The following WWOX variants were observed in gnomAD, a reference collection of about 807,000 sequenced individuals.
WWOX encodes WW domain containing oxidoreductase, also known as WW domain-containing oxidoreductase.
A neutral mutation model predicts 46.2 loss-of-function variants in WWOX; 69 were observed. The observed-to-expected ratio is 1.49, with a 90% CI of 1.23 to 1.82. WWOX has a LOEUF of 1.82. WWOX is among the 40% of genes most tolerant of loss of function. WWOX has a pLI of 0.00. For synonymous variants in WWOX, 359 were observed against 202.6 expected, an observed-to-expected ratio of 1.77 and a Z score of -6.56; for missense variants, 919 against 542.6, an observed-to-expected ratio of 1.69 and a Z score of -6.89.
Position 78,982,107 on chromosome 16 carries a change from C to T in WWOX, c.1057-229501C>T, listed in dbSNP as rs576048036. 9.1e-4 allele frequency among the ~76,000 whole-genome samples: 134 copies of T among 147,372 alleles called. 4 individuals are homozygous for T. The highest frequency in any genetic ancestry group is 2.0e-3 in the South Asian group (8 of 4,088). ...GCCTCACTGGGGATGGGCTAAACTC[C>T]GTGGGGTTTGTATTCCTTCTCCTTC... On this transcript the variant is annotated intron_variant, in intron 8 of 8. Transcript: ENST00000566780.
chr16:79,015,398 T>G (rs1326850776), intron 8 of WWOX, among the ~76,000 whole-genome samples: 1 of 152,246 alleles, frequency 6.6e-6, no homozygotes, highest in Non-Finnish European at 1.5e-5. Context: ...TTCCTTTGTT[T>G]GCAAAATAGT....
At chr16:78,729,943 C>T (rs1171114846) in intron 8 of WWOX, among the ~76,000 whole-genome samples, 2 of 152,082 alleles carry the variant, frequency 1.3e-5, no homozygotes, top group African/African-American at 2.4e-5. Flanking sequence ...ATGCCAGATC[C>T]AGAGCAATCG....
At chr16:78,180,251 T>G (rs2035485544) in intron 5 of WWOX, among the ~76,000 whole-genome samples, 1 of 152,202 alleles carries the variant, frequency 6.6e-6, no homozygotes, top group Admixed American at 6.5e-5. Context: ...CCGACTGTGA[T>G]GCAGAGTGGA....
intron 5 of WWOX, among the ~76,000 whole-genome samples, chr16:78,358,273 T>G (rs1159743902): frequency 1.3e-5 from 2 of 152,230 alleles, no homozygotes; most frequent in African/African-American, 4.8e-5. Flanking sequence ...TGTTATACAC[T>G]CACATACAAA....
At chr16:79,187,701 C>G (rs2005476) in intron 8 of WWOX, among the ~76,000 whole-genome samples, 1,882 of 152,296 alleles carry the variant, frequency 0.012, 113 homozygotes, top group Admixed American at 0.11. Flanking sequence ...GCCACCATGC[C>G]TGGCTAATTT....
intron 8 of WWOX, among the ~76,000 whole-genome samples, chr16:78,757,365 C>CG (rs1343841581): frequency 6.6e-6 from 1 of 152,064 alleles, no homozygotes; most frequent in African/African-American, 2.4e-5. Context: ...AGCATGACCA[C>CG]CATTTAGAGG....
At chr16:78,560,948 G>A (rs1054666269) in intron 8 of WWOX, among the ~76,000 whole-genome samples, 2 of 152,116 alleles carry the variant, frequency 1.3e-5, no homozygotes, top group African/African-American at 4.8e-5. Context: ...CAATTCTCTA[G>A]ATCAGAAGCC....
intron 8 of WWOX, among the ~76,000 whole-genome samples, chr16:79,180,183 T>G (rs1768382690): frequency 6.6e-6 from 1 of 152,192 alleles, no homozygotes; most frequent in South Asian, 2.1e-4. Context: ...GGTGCCTAAC[T>G]TCTAGTTCCA....
At chr16:78,337,100 A>T (rs888032465) in intron 5 of WWOX, among the ~76,000 whole-genome samples, 21 of 152,060 alleles carry the variant, frequency 1.4e-4, no homozygotes, top group African/African-American at 4.6e-4. Flanking sequence ...TCTTAATTTT[A>T]AGTAGCTGGT....
intron 4 of WWOX, among the ~76,000 whole-genome samples, chr16:78,133,727 A>C (rs933676121): frequency 1.3e-5 from 2 of 152,176 alleles, no homozygotes; most frequent in African/African-American, 4.8e-5. Flanking sequence ...CCTGAGGAAC[A>C]AATGCTCATG....
chr16:79,124,994 C>G (rs1459714642), intron 8 of WWOX, among the ~76,000 whole-genome samples: 1 of 151,814 alleles, frequency 6.6e-6, no homozygotes, highest in Non-Finnish European at 1.5e-5. Flanking sequence ...ATTTCTGTTA[C>G]ACAGCTGGGA....
At chr16:78,733,214 C>G (rs768320540) in intron 8 of WWOX, among the ~76,000 whole-genome samples, 28 of 152,296 alleles carry the variant, frequency 1.8e-4, no homozygotes, top group South Asian at 6.2e-4. Context: ...AGAGCAATAT[C>G]ATTTGCCATA....
chr16:78,162,793 AT>A (rs1342451072), intron 4 of WWOX, among the ~76,000 whole-genome samples: 1 of 150,932 alleles, frequency 6.6e-6, no homozygotes, highest in African/African-American at 2.4e-5. Context: ...TTATTGTGTT[AT>A]TTTTTTCTTT....
At chr16:78,432,854 C>T (rs959978284) in intron 8 of WWOX, 102 bp downstream of exon 8, 7 of 1,550,856 alleles carry the variant, frequency 4.5e-6, no homozygotes, top group African/African-American at 1.4e-5. Flanking sequence ...AGTCTGGTCT[C>T]AGTAATAACA....
intron 8 of WWOX, among the ~76,000 whole-genome samples, chr16:78,492,773 G>A (rs755647130): frequency 6.6e-6 from 1 of 152,158 alleles, no homozygotes; most frequent in African/African-American, 2.4e-5. Context: ...TCACATCAAG[G>A]TGTGTTTGTT....
chr16:79,001,448 A>G (rs1247525878), intron 8 of WWOX, among the ~76,000 whole-genome samples: 1 of 152,210 alleles, frequency 6.6e-6, no homozygotes, highest in Non-Finnish European at 1.5e-5. Context: ...TATTGGTGCC[A>G]AGCTAAATTT....
At chr16:78,189,175 A>C (rs2035802553) in intron 5 of WWOX, among the ~76,000 whole-genome samples, 1 of 152,206 alleles carries the variant, frequency 6.6e-6, no homozygotes, top group Non-Finnish European at 1.5e-5. Flanking sequence ...GTGGCTTCTC[A>C]AGACTAGGAA....
chr16:79,105,219 A>C (rs1381140531), intron 8 of WWOX, among the ~76,000 whole-genome samples: 2 of 152,202 alleles, frequency 1.3e-5, no homozygotes, highest in Admixed American at 1.3e-4. Flanking sequence ...CCTCAGTAAC[A>C]GCAGTCTGCT....
rs576210995 is a variant in WWOX at position 78,169,461 on chromosome 16, C to T, written c.516+5172C>T. 1.2e-4 allele frequency among the ~76,000 whole-genome samples: 10 copies of T among 81,462 alleles called. No individual in the cohort carries two copies. In the East Asian group the frequency reaches 3.4e-3, roughly 28 times the overall value. The allele number at this position is 81,462 out of a possible 152,430, so 53.4% of individuals were successfully genotyped here. ...CATATCCCACTCCCTGTCTTGAGAT[C>T]TCAGGACCTCTGAGATCTCAGGACC... On this transcript the variant is annotated intron_variant, in intron 5 of 8. Transcript: ENST00000566780.
Sources: allele counts gnomAD v4.1 joint callset (sites outside exome capture counted in the v4.1 genomes callset), GRCh38; gene constraint gnomAD v4.1.1; transcripts MANE v1.5; gene names NCBI Gene and HGNC (gene_info 2026-07-23, HGNC 2026-07-21).